FAM53B: variants seen among roughly 807,000 people sequenced by gnomAD.
FAM53B encodes protein FAM53B.
A neutral mutation model predicts 32.7 loss-of-function variants in FAM53B; 12 were observed. That is an observed-to-expected ratio of 0.37 (90% confidence interval 0.24 to 0.59). The LOEUF is 0.59. Ranked by LOEUF, FAM53B falls within the 20% of genes least tolerant of loss-of-function variation. The pLI is 0.72. For missense variants in FAM53B, 477 were observed against 577.7 expected (o/e 0.83, Z 1.79); for synonymous variants, 234 against 228.7 (o/e 1.02, Z -0.21).
At chr10:124,646,283 C>T (rs746889905) in intron 4 of FAM53B, among the ~76,000 whole-genome samples, 8 of 152,234 alleles carry the variant, frequency 5.3e-5, no homozygotes, top group Non-Finnish European at 1.0e-4. Flanking sequence ...TAGGCATTTG[C>T]TATGTGCCTT....
At chr10:124,705,911 T>C (rs1042552498) in intron 2 of FAM53B, among the ~76,000 whole-genome samples, 2 of 152,158 alleles carry the variant, frequency 1.3e-5, no homozygotes, top group African/African-American at 2.4e-5. Flanking sequence ...CCCTTCCTGA[T>C]CACGGAAGCT....
At position 124,625,009 on chromosome 10, in the gene FAM53B, G is replaced by A. The variant is rs192161792; in HGVS notation, c.907-1405C>T. ...GGGTGGGGACTGGGGAAGCAAAGCA[G>A]GGCCTTGGAGCACCCGCCGCCTCCC... On this transcript the variant is annotated intron_variant, in intron 4 of 4. Coordinates refer to ENST00000337318, the MANE Select transcript of FAM53B (RefSeq NM_014661.4). Among the ~76,000 whole-genome samples the A allele has an allele frequency of 3.4e-4, 52 of 152,328 alleles. No homozygotes were observed. The East Asian group carries it at 7.5e-3, about 22-fold the overall frequency.
In FAM53B at chr10:124,680,171, A is replaced by C. The variant is rs201931455; in HGVS notation, c.906+1436T>G. ...AAACGTTCCACTACACAGCAAAAAG[A>C]TTGGCACACGCCTAGAGCCACAATG... On this transcript the variant is annotated intron_variant, in intron 4 of 4. Coordinates refer to ENST00000337318, the MANE Select transcript of FAM53B (RefSeq NM_014661.4). 7.9e-5 allele frequency among the ~76,000 whole-genome samples: 12 copies of C among 152,348 alleles called. No homozygotes were observed. In the East Asian group the frequency reaches 2.3e-3, roughly 29 times the overall value.
In FAM53B at chr10:124,651,544, C is replaced by G. The variant is rs1949555868; in HGVS notation, c.907-27940G>C. On this transcript the variant is annotated intron_variant, in intron 4 of 4. Coordinates refer to ENST00000337318, the MANE Select transcript of FAM53B (RefSeq NM_014661.4). The surrounding 1 kb of genome is among the most constrained non-coding windows in gnomAD (Gnocchi z 5.2). ...CGCTGGACGGAATCACAATCCCACACACGGCACCAGGGACCTGGACTATGC... is the reference window on the plus strand; with the variant it reads ...CGCTGGACGGAATCACAATCCCACAGACGGCACCAGGGACCTGGACTATGC... 6.6e-6 allele frequency among the ~76,000 whole-genome samples: 1 copy of G among 152,202 alleles called. No homozygotes were observed. The highest frequency in any genetic ancestry group is 2.1e-4 in the South Asian group (1 of 4,832).
rs1340243980 is a variant in FAM53B at position 124,682,006 on chromosome 10, G to A, written c.507C>T (p.Ser169=). The A allele has an allele frequency of 6.2e-7, 1 of 1,614,040 alleles. No homozygotes were observed. The highest frequency in any genetic ancestry group is 1.7e-5 in the Admixed American group (1 of 60,026). ...FSTMQRSSSF[S]LPSRANVLSS... Reference sequence around the variant, plus strand: ...AGAGCACGTTGGCCCGGGAAGGGAGGCTGAAGCTGGAACTCCTCTGCATGG... The same window carrying A: ...AGAGCACGTTGGCCCGGGAAGGGAGACTGAAGCTGGAACTCCTCTGCATGG... Residue 169 remains serine, a synonymous_variant, in exon 4 of 5, where the codon AGC becomes AGT. Transcript: ENST00000337318. This position sits in a 1 kb window ranked among gnomAD's most constrained non-coding sequence, Gnocchi z 5.2.
At chr10:124,732,446 C>A (rs1053941732) in intron 1 of FAM53B, among the ~76,000 whole-genome samples, 1 of 152,226 alleles carries the variant, frequency 6.6e-6, no homozygotes, top group Admixed American at 6.5e-5. Context: ...ACGGACACCA[C>A]CCTGGCCACG....
intron 1 of FAM53B, among the ~76,000 whole-genome samples, chr10:124,710,088 G>A (rs1949990578): frequency 6.6e-6 from 1 of 152,256 alleles, no homozygotes; most frequent in South Asian, 2.1e-4. Context: ...CTTGGAGTAT[G>A]GGAACGGTGA....
At chr10:124,654,933 A>T (rs1027858799) in intron 4 of FAM53B, among the ~76,000 whole-genome samples, 2 of 152,210 alleles carry the variant, frequency 1.3e-5, no homozygotes, top group African/African-American at 2.4e-5. Flanking sequence ...CAAGACAGGC[A>T]GGAAATGCAC....
chr10:124,654,262 G>T (rs913028718), intron 4 of FAM53B, among the ~76,000 whole-genome samples: 3 of 152,234 alleles, frequency 2.0e-5, no homozygotes, highest in Admixed American at 2.0e-4. Context: ...ATGGTGCTCA[G>T]AAAAAAATCT....
At chr10:124,737,183 T>C (rs1195153741) in intron 1 of FAM53B, among the ~76,000 whole-genome samples, 3 of 152,176 alleles carry the variant, frequency 2.0e-5, no homozygotes, top group South Asian at 4.1e-4. Flanking sequence ...AATGTGGAAA[T>C]TGCAGCCCTG....
intron 4 of FAM53B, among the ~76,000 whole-genome samples, chr10:124,637,291 C>T (rs1949438983): frequency 6.6e-6 from 1 of 152,196 alleles, no homozygotes; most frequent in South Asian, 2.1e-4. Flanking sequence ...AGCGCAGGTC[C>T]AGGACGTACC....
intron 1 of FAM53B, among the ~76,000 whole-genome samples, chr10:124,711,220 G>C (rs536494811): frequency 6.6e-6 from 1 of 152,256 alleles, no homozygotes; most frequent in South Asian, 2.1e-4. Flanking sequence ...GTCCCCAAAG[G>C]CTCACTATTC....
chr10:124,720,988 T>C (rs1162714395), intron 1 of FAM53B, among the ~76,000 whole-genome samples: 1 of 152,140 alleles, frequency 6.6e-6, no homozygotes, highest in African/African-American at 2.4e-5. Flanking sequence ...TGGCTTGAGC[T>C]CAGGAGTTCA....
chr10:124,662,934 G>C (rs918288515), intron 4 of FAM53B, among the ~76,000 whole-genome samples: 3 of 152,180 alleles, frequency 2.0e-5, no homozygotes, highest in African/African-American at 7.2e-5. Context: ...CCACTGCTTG[G>C]TCACCGCACC....
intron 3 of FAM53B, among the ~76,000 whole-genome samples, chr10:124,694,559 G>A (rs1949856338): frequency 6.6e-6 from 1 of 152,212 alleles, no homozygotes; most frequent in African/African-American, 2.4e-5. Context: ...CAGTTTACTG[G>A]TCTGGCCCGG....
chr10:124,694,276 C>A (rs1949853850), intron 3 of FAM53B, among the ~76,000 whole-genome samples: 1 of 152,258 alleles, frequency 6.6e-6, no homozygotes, highest in Non-Finnish European at 1.5e-5. Flanking sequence ...AGTCTGCAGA[C>A]ACAGCGTAGT....
In FAM53B at chr10:124,623,119, G is replaced by A. The variant is rs1285390792; in HGVS notation, c.*123C>T. On this transcript the variant is annotated 3_prime_UTR_variant, in exon 5 of 5. Coordinates refer to ENST00000337318, the MANE Select transcript of FAM53B (RefSeq NM_014661.4). ...CAGGTGGGCTCCCTCTCTGGGACCCGACACCACTCAGGAAGCTTTCATCAG... is the reference window on the plus strand; with the variant it reads ...CAGGTGGGCTCCCTCTCTGGGACCCAACACCACTCAGGAAGCTTTCATCAG... 9.8e-6 allele frequency: 13 copies of A among 1,321,760 alleles called. No homozygotes were observed. Among genetic ancestry groups the A allele is most frequent in the African/African-American group, 3.0e-5 (2 of 67,348 alleles). 81.9% of individuals were successfully genotyped at this position (1,321,760 alleles called of 1,614,324 possible). A position where few individuals can be genotyped will look rare whatever the true frequency, so the allele number is the denominator to read the frequency against.
chr10:124,631,073 C>T (rs931490696), intron 4 of FAM53B, among the ~76,000 whole-genome samples: 5 of 152,206 alleles, frequency 3.3e-5, no homozygotes, highest in African/African-American at 1.2e-4. Context: ...TGAGTCACTT[C>T]GGGAAGGGTG....
intron 4 of FAM53B, among the ~76,000 whole-genome samples, chr10:124,664,292 A>G (rs1397601285): frequency 5.3e-5 from 8 of 152,196 alleles, no homozygotes; most frequent in Admixed American, 2.0e-4. Context: ...AGGGAGGTTC[A>G]GAGCTGGGGC....
Sources: allele counts gnomAD v4.1 joint callset (sites outside exome capture counted in the v4.1 genomes callset), GRCh38; gene constraint gnomAD v4.1.1; non-coding constraint Gnocchi (gnomAD v3.1); transcripts MANE v1.5; gene names NCBI Gene and HGNC (gene_info 2026-07-23, HGNC 2026-07-21).